The following NTHL1 variants were observed in gnomAD, a reference collection of about 807,000 sequenced individuals.
The protein encoded by NTHL1 is endonuclease III-like protein 1.
A neutral mutation model predicts 32.3 loss-of-function variants in NTHL1; 32 were observed. That is an observed-to-expected ratio of 0.99 (90% CI 0.75 to 1.33). The LOEUF is 1.33. Ranked by LOEUF, NTHL1 falls within the 40% of genes most tolerant of loss-of-function variation. The probability of loss-of-function intolerance (pLI) is 0.00; values close to 1 mark genes in which losing one functional copy is unlikely to be tolerated. For synonymous variants in NTHL1, 188 were observed against 176.9 expected (o/e 1.06, Z -0.50); for missense variants, 501 against 414.1 (o/e 1.21, Z -1.82).
Position 2,043,060 on chromosome 16 carries a change from A to G in NTHL1, c.685+507T>C, listed in dbSNP as rs1275910638. Among the ~76,000 whole-genome samples the G allele has an allele frequency of 7.1e-6, 1 of 140,450 alleles. No individual in the cohort carries two copies. The highest frequency in any genetic ancestry group is 2.3e-4 in the South Asian group (1 of 4,272). The allele number at this position is 140,450 out of a possible 152,430, so 92.1% of individuals were successfully genotyped here. A position where few individuals can be genotyped will look rare whatever the true frequency, so the allele number is the denominator to read the frequency against. On this transcript the variant is annotated intron_variant, in intron 4 of 5. Coordinates refer to ENST00000651570, the MANE Select transcript of NTHL1 (RefSeq NM_002528.7). The surrounding 1 kb of genome is among the most constrained non-coding windows in gnomAD (Gnocchi z 4.4). ...TACCTCCCCACTCTGCCCTCATCTC[A>G]TTCCAGAACTTCCTGCTCCTGGCCC... is the stretch of plus-strand genomic sequence containing the variant.
In NTHL1 at chr16:2,044,866, C is replaced by T; in HGVS notation, c.355-66G>A. 3.3e-6 allele frequency: 5 copies of T among 1,493,842 alleles called. No homozygotes were observed. Among genetic ancestry groups the T allele is most frequent in the South Asian group, 1.3e-5 (1 of 78,842 alleles). 92.5% of individuals were successfully genotyped at this position (1,493,842 alleles called of 1,614,324 possible). ...TGGGTGATTCCCTGGCCAGGCTCCGCCCCCCGCCCTCGACACACCCTGGTT... is the reference window on the plus strand; with the variant it reads ...TGGGTGATTCCCTGGCCAGGCTCCGTCCCCCGCCCTCGACACACCCTGGTT... On this transcript the variant is annotated intron_variant, in intron 2 of 5. Coordinates refer to ENST00000651570, the MANE Select transcript of NTHL1 (RefSeq NM_002528.7). The surrounding 1 kb of genome is among the most constrained non-coding windows in gnomAD (Gnocchi z 5.0).
At chr16:2,042,612 C>A (rs1304754123) in intron 4 of NTHL1, among the ~76,000 whole-genome samples, 1 of 152,098 alleles carries the variant, frequency 6.6e-6, no homozygotes, top group East Asian at 1.9e-4. Context: ...GGCCCGGCTG[C>A]GTGTGGCCTT....
chr16:2,040,287 G>GC, intron 4 of NTHL1, 49 bp from the exon 5 acceptor site: 1 of 1,560,498 alleles, frequency 6.4e-7, no homozygotes, highest in South Asian at 1.1e-5. Context: ...CACCAGCCTA[G>GC]CCCGTGCCCC....
chr16:2,040,267 G>A (rs2084245803), intron 4 of NTHL1, 29 bp from the exon 5 acceptor site: 6 of 1,598,678 alleles, frequency 3.8e-6, no homozygotes, highest in Non-Finnish European at 5.1e-6. Context: ...GGGTGAACAG[G>A]GGCACACTCC....
At chr16:2,041,939 G>A (rs3211984) in intron 4 of NTHL1, 2 of 431,748 alleles carry the variant, frequency 4.6e-6, no homozygotes, top group Admixed American at 2.6e-5. Flanking sequence ...TTTTAGTAGA[G>A]AGCGGGTTTC....
chr16:2,040,587 G>C (rs1451309246), intron 4 of NTHL1: 1 of 427,718 alleles, frequency 2.3e-6, no homozygotes, highest in Non-Finnish European at 4.4e-6. Context: ...TCTGCTTGGA[G>C]CTCTATTCCC....
At chr16:2,045,861 G>GCAA (rs2150943471) in intron 2 of NTHL1, among the ~76,000 whole-genome samples, 1 of 152,346 alleles carries the variant, frequency 6.6e-6, no homozygotes, top group South Asian at 2.1e-4. Flanking sequence ...GGACCGTGAA[G>GCAA]CAAAAGGAAC....
At chr16:2,042,955 C>T (rs1178115951) in intron 4 of NTHL1, among the ~76,000 whole-genome samples, 1 of 90,738 alleles carries the variant, frequency 1.1e-5, no homozygotes, top group East Asian at 3.1e-4. Context: ...CCCTCCCCAC[C>T]CTCCCCCTTT....
At position 2,044,121 on chromosome 16, in the gene NTHL1, TCCTGTG is replaced by T. The variant is rs2084308123; in HGVS notation, c.526-401_526-396del. 2.8e-6 allele frequency: 1 copy of T among 359,872 alleles called. No individual in the cohort carries two copies. Among genetic ancestry groups the T allele is most frequent in the Non-Finnish European group, 5.3e-6 (1 of 188,242 alleles). The allele number at this position is 359,872 out of a possible 1,614,324, so 22.3% of individuals were successfully genotyped here. A position where few individuals can be genotyped will look rare whatever the true frequency, so the allele number is the denominator to read the frequency against. ...TGCCAGGCCTGCCGGGTGGTTCCCA[TCCTGTG>T]CCTGAGTGGAGAGGGCTATTTAAAA... On this transcript the variant is annotated intron_variant, in intron 3 of 5. Coordinates refer to ENST00000651570, the MANE Select transcript of NTHL1 (RefSeq NM_002528.7). This position sits in a 1 kb window ranked among gnomAD's most constrained non-coding sequence, Gnocchi z 5.0.
chr16:2,041,411 T>TG (rs2084266894), intron 4 of NTHL1, among the ~76,000 whole-genome samples: 1 of 151,060 alleles, frequency 6.6e-6, no homozygotes, highest in Non-Finnish European at 1.5e-5. Flanking sequence ...GGTGCAGAGC[T>TG]GGGACCGGAG....
intron 2 of NTHL1, among the ~76,000 whole-genome samples, chr16:2,045,310 C>T (rs2084329865): frequency 6.6e-6 from 1 of 152,076 alleles, no homozygotes; most frequent in South Asian, 2.1e-4. Context: ...GCACTCCAGC[C>T]TGGGCAACAA....
At chr16:2,046,098 G>C in intron 2 of NTHL1, 30 bp downstream of exon 2, 1 of 1,560,096 alleles carries the variant, frequency 6.4e-7, no homozygotes, top group Non-Finnish European at 8.8e-7. Context: ...AAGATGGGGG[G>C]TCATCTGGGC....
At chr16:2,046,061 G>T in intron 2 of NTHL1, 67 bp downstream of exon 2, 2 of 1,395,522 alleles carry the variant, frequency 1.4e-6, no homozygotes, top group East Asian at 2.3e-5. Flanking sequence ...AAAAGCCACC[G>T]GGTAGAAAGA....
chr16:2,045,463 G>A (rs1322195266), intron 2 of NTHL1, among the ~76,000 whole-genome samples: 1 of 151,738 alleles, frequency 6.6e-6, no homozygotes, highest in Non-Finnish European at 1.5e-5. Context: ...TTGAGATGCA[G>A]TATCACTCTT....
rs116596661 is a variant in NTHL1 at position 2,044,908 on chromosome 16, A to G, written c.355-108T>C. The G allele has an allele frequency of 3.7e-4, 491 of 1,311,278 alleles. 1 individual carries two copies. The highest frequency in any genetic ancestry group is 2.4e-3 in the Admixed American group (101 of 42,770). The allele number at this position is 1,311,278 out of a possible 1,614,324, so 81.2% of individuals were successfully genotyped here. A position where few individuals can be genotyped will look rare whatever the true frequency, so the allele number is the denominator to read the frequency against. ...ACCCTGGTTTGTTGCCCTGGGCCAC[A>G]CTTGAGGCATCAGCCTCCCCCTGTG... On this transcript the variant is annotated intron_variant, in intron 2 of 5. Transcript: ENST00000651570. This position sits in a 1 kb window ranked among gnomAD's most constrained non-coding sequence, Gnocchi z 5.0.
In NTHL1 at chr16:2,047,709, C is replaced by G. The variant is rs1274541982; in HGVS notation, c.115G>C (p.Glu39Gln). The G allele has an allele frequency of 1.3e-6, 2 of 1,577,874 alleles. No individual in the cohort carries two copies. The highest frequency in any genetic ancestry group is 3.5e-5 in the Admixed American group (2 of 57,866). Residue 39 changes from glutamate (E) to glutamine (Q), a missense_variant and splice_region_variant, in exon 1 of 6, where the codon GAA becomes CAA. Coordinates refer to ENST00000651570, the MANE Select transcript of NTHL1 (RefSeq NM_002528.7). ...GPLRRREAAA[E>Q]ARKSHSPVKR... ...CGCTCCAGCCACGGCGCGGCGCTAC[C>G]TGCTGCAGCCTCTCTTCTCCGGAGA...
rs2084298229 is a variant in NTHL1, at chr16:2,043,608, T to C, written c.644A>G (p.His215Arg). The change falls in exon 4 of 6, where the codon CAC (histidine) becomes CGC (arginine). Residue 215 changes from histidine (H) to arginine (R), a missense_variant. Coordinates refer to ENST00000651570, the MANE Select transcript of NTHL1 (RefSeq NM_002528.7). The surrounding 1 kb of genome is among the most constrained non-coding windows in gnomAD (Gnocchi z 4.4). ...GCCCCAGGCCACAGCCATAGCCAGGTGTGCCATCTTGGGCCCAACACCCGG... is the reference window on the plus strand; with the variant it reads ...GCCCCAGGCCACAGCCATAGCCAGGCGTGCCATCTTGGGCCCAACACCCGG... ...ALPGVGPKMAHLAMAVAWGTV... is the reference protein window; with the variant it reads ...ALPGVGPKMARLAMAVAWGTV... 2.5e-6 allele frequency: 4 copies of C among 1,610,164 alleles called. No homozygotes were observed. The highest frequency in any genetic ancestry group is 2.2e-5 in the East Asian group (1 of 44,870).
At position 2,046,236 on chromosome 16, in the gene NTHL1, C is replaced by T. The variant is rs1363897423; in HGVS notation, c.246G>A (p.Gln82=). The part of the protein sequence containing the change: ...EPLKVPVWEP[Q]DWQQQLVNIR... ...TGTTGACCAGCTGTTGCTGCCAGTC[C>T]TGGGGCTCCCAGACTGGCACCTTGA... The change falls in exon 2 of 6, where the codon CAG becomes CAA. Residue 82 remains glutamine (Q), a synonymous_variant. Coordinates refer to ENST00000651570, the MANE Select transcript of NTHL1 (RefSeq NM_002528.7). 1.9e-6 allele frequency: 3 copies of T among 1,613,128 alleles called. No homozygotes were observed. The highest frequency in any genetic ancestry group is 2.5e-6 in the Non-Finnish European group (3 of 1,180,006).
chr16:2,043,409 G>A lies in NTHL1; in HGVS notation c.685+158C>T. 3.1e-6 allele frequency: 3 copies of A among 979,056 alleles called. No homozygotes were observed. Among genetic ancestry groups the A allele is most frequent in the South Asian group, 3.1e-5 (2 of 64,024 alleles). The allele number at this position is 979,056 out of a possible 1,614,324, so 60.6% of individuals were successfully genotyped here. On this transcript the variant is annotated intron_variant, in intron 4 of 5. Transcript: ENST00000651570. This position sits in a 1 kb window ranked among gnomAD's most constrained non-coding sequence, Gnocchi z 4.4. ...ACCTCCTGCCCCAGCACCTGTCTCTGAGTGGGGCTGGCCTGGCTCCACCCT... is the reference window on the plus strand; with the variant it reads ...ACCTCCTGCCCCAGCACCTGTCTCTAAGTGGGGCTGGCCTGGCTCCACCCT...
Sources: gnomAD v4.1 joint callset for allele counts (sites outside exome capture counted in the v4.1 genomes callset) on GRCh38, gnomAD v4.1.1 for gene constraint, Gnocchi (gnomAD v3.1) non-coding constraint, MANE v1.5 for transcripts, NCBI Gene and HGNC (gene_info 2026-07-23, HGNC 2026-07-21) for gene names.